Variants in FSTL5 observed in about 807,000 individuals in gnomAD.
FSTL5 encodes follistatin-related protein 5.
In FSTL5, 62 loss-of-function variants were observed where a neutral mutation model predicts 89.1. That is an observed-to-expected ratio of 0.70 (90% confidence interval 0.57 to 0.86). FSTL5 has a LOEUF of 0.86. FSTL5 is among the 40% of genes least tolerant of loss of function. The probability of loss-of-function intolerance (pLI) is 0.00; values close to 1 mark genes in which losing one functional copy is unlikely to be tolerated. For missense variants in FSTL5, 1,057 were observed against 1,001.6 expected (o/e 1.06, Z -0.75); for synonymous variants, 383 against 346.2 (o/e 1.11, Z -1.18).
Position 161,385,838 on chromosome 4 carries a change from A to G in FSTL5, c.2453T>C (p.Leu818Pro). Residue 818 changes from leucine (L) to proline (P), a missense_variant, in exon 16 of 16, where the codon CTC (leucine) becomes CCC (proline). Physicochemically the swap from Leu to Pro is moderately conservative, Grantham distance 98. This residue lies in a region of FSTL5 where 68 missense variants were observed against 73.3 expected (regional missense o/e 0.93). Transcript: ENST00000306100. ...QYLMTPSKDS[L>P]FILDGRLNKL... is the part of the protein sequence containing the mutation. ...ATTGAGTCGTCCATCTAGGATGAAG[A>G]GAGAGTCCTTGGAAGGTGTCATCAG... 6.2e-7 allele frequency: 1 copy of G among 1,613,804 alleles called. No individual in the cohort carries two copies. The highest frequency in any genetic ancestry group is 8.5e-7 in the Non-Finnish European group (1 of 1,179,838).
intron 15 of FSTL5, 21 bp downstream of exon 15, chr4:161,454,983 A>G: frequency 6.2e-7 from 1 of 1,609,224 alleles, no homozygotes; most frequent in African/African-American, 1.3e-5. Flanking sequence ...TAAAAAGTTG[A>G]TCACTCAACT....
At chr4:161,610,407 C>T (rs1334449315) in intron 7 of FSTL5, among the ~76,000 whole-genome samples, 1 of 152,134 alleles carries the variant, frequency 6.6e-6, no homozygotes, top group African/African-American at 2.4e-5. Flanking sequence ...TCAATTATAT[C>T]GCTTTTTCAT....
intron 3 of FSTL5, among the ~76,000 whole-genome samples, chr4:162,001,629 A>C (rs989469802): frequency 1.0e-5 from 1 of 98,958 alleles, no homozygotes; most frequent in Admixed American, 1.0e-4. Flanking sequence ...TGTGTGTGTA[A>C]GTGTAAGAGT....
intron 7 of FSTL5, among the ~76,000 whole-genome samples, chr4:161,652,144 A>G (rs1190559465): frequency 1.3e-5 from 2 of 152,104 alleles, no homozygotes; most frequent in Non-Finnish European, 2.9e-5. Context: ...CTCTTTTATC[A>G]TCAATTTTCA....
At chr4:161,839,380 T>C (rs72981104) in intron 4 of FSTL5, among the ~76,000 whole-genome samples, 1,925 of 152,252 alleles carry the variant, frequency 0.013, 36 homozygotes, top group African/African-American at 0.043. Flanking sequence ...TAAGGTATTA[T>C]TATAAACCAC....
intron 15 of FSTL5, among the ~76,000 whole-genome samples, chr4:161,403,162 A>G (rs756293344): frequency 6.6e-6 from 1 of 152,084 alleles, no homozygotes; most frequent in Non-Finnish European, 1.5e-5. Context: ...CTAACAGTCA[A>G]AATATTGACT....
chr4:161,961,463 T>G (rs907749943), intron 3 of FSTL5, among the ~76,000 whole-genome samples: 2 of 151,880 alleles, frequency 1.3e-5, no homozygotes, highest in African/African-American at 4.8e-5. Flanking sequence ...ACTGGTATAC[T>G]TGGTCCCAAA....
At chr4:161,519,288 A>T (rs1730942268) in intron 10 of FSTL5, among the ~76,000 whole-genome samples, 2 of 152,112 alleles carry the variant, frequency 1.3e-5, no homozygotes, top group African/African-American at 4.8e-5. Flanking sequence ...GCACTTTGGG[A>T]GACCGGGGTG....
intron 15 of FSTL5, among the ~76,000 whole-genome samples, chr4:161,404,997 G>A (rs779206459): frequency 2.0e-5 from 3 of 152,240 alleles, no homozygotes; most frequent in South Asian, 2.1e-4. Flanking sequence ...TTGGGAGGCC[G>A]AGGTGAGTAG....
At chr4:161,480,351 T>G (rs759279317) in intron 13 of FSTL5, among the ~76,000 whole-genome samples, 4 of 152,156 alleles carry the variant, frequency 2.6e-5, no homozygotes, top group African/African-American at 9.7e-5. Context: ...TGAAAAAAAT[T>G]AAGGGAGTAG....
intron 4 of FSTL5, among the ~76,000 whole-genome samples, chr4:161,849,409 GA>G (rs979049824): frequency 1.6e-4 from 24 of 148,944 alleles, no homozygotes; most frequent in Middle Eastern, 3.5e-3. Context: ...AAAACTGCCG[GA>G]AAAAAAAAGC....
chr4:161,882,883 A>C (rs1042664008), intron 4 of FSTL5, among the ~76,000 whole-genome samples: 3 of 152,132 alleles, frequency 2.0e-5, no homozygotes, highest in African/African-American at 7.2e-5. Flanking sequence ...TGCATGTAGG[A>C]AGATAATGGT....
chr4:162,133,541 CTATG>C (rs1361126487), intron 1 of FSTL5, among the ~76,000 whole-genome samples: 1 of 151,972 alleles, frequency 6.6e-6, no homozygotes, highest in Admixed American at 6.6e-5. Flanking sequence ...TTTTGGCATT[CTATG>C]TAAGATTTTT....
chr4:162,112,775 T>TCTCACACACACA (rs1554000431), intron 1 of FSTL5, among the ~76,000 whole-genome samples: 25 of 139,328 alleles, frequency 1.8e-4, no homozygotes, highest in Non-Finnish European at 3.8e-4. Flanking sequence ...ACCGACACAA[T>TCTCACACACACA]CACACACACA....
chr4:161,470,613 T>C (rs1250193372), intron 13 of FSTL5, among the ~76,000 whole-genome samples: 2 of 144,152 alleles, frequency 1.4e-5, no homozygotes, highest in African/African-American at 4.9e-5. Context: ...TGAGCTTCTC[T>C]ATTTCTGCAA....
chr4:161,714,258 C>A (rs1384414571), intron 6 of FSTL5, among the ~76,000 whole-genome samples: 1 of 151,994 alleles, frequency 6.6e-6, no homozygotes, highest in Non-Finnish European at 1.5e-5. Context: ...TGCTTTCTCA[C>A]ACAAGGAGAA....
intron 3 of FSTL5, among the ~76,000 whole-genome samples, chr4:161,964,571 G>A (rs533665076): frequency 9.5e-4 from 144 of 151,974 alleles, no homozygotes; most frequent in African/African-American, 3.1e-3. Flanking sequence ...TAATATCAAA[G>A]GTTAACTATT....
chr4:162,061,518 G>T (rs1178242099), intron 2 of FSTL5, among the ~76,000 whole-genome samples: 1 of 152,138 alleles, frequency 6.6e-6, no homozygotes, highest in East Asian at 1.9e-4. Flanking sequence ...GGCAAAAGCA[G>T]CAGACACCAC....
intron 3 of FSTL5, among the ~76,000 whole-genome samples, chr4:161,972,345 A>T (rs1345492050): frequency 6.6e-6 from 1 of 152,162 alleles, no homozygotes; most frequent in Non-Finnish European, 1.5e-5. Flanking sequence ...AAGTGCTGGG[A>T]TTACAAGCGT....
Sources: gnomAD v4.1 joint callset for allele counts (sites outside exome capture counted in the v4.1 genomes callset) on GRCh38, gnomAD v4.1.1 for gene constraint, gnomAD v4.1.1 regional missense constraint, MANE v1.5 for transcripts, NCBI Gene and HGNC (gene_info 2026-07-23, HGNC 2026-07-21) for gene names.